The following CRYBG1 variants were observed in gnomAD, a reference collection of about 807,000 sequenced individuals.
CRYBG1 encodes crystallin beta-gamma domain containing 1.
A neutral mutation model predicts 189.2 loss-of-function variants in CRYBG1; 139 were observed. The ratio of observed to expected loss-of-function variants is 0.73; its 90% CI spans 0.64 to 0.85. CRYBG1 has a LOEUF of 0.85. Ranked by LOEUF, CRYBG1 falls within the 40% of genes least tolerant of loss-of-function variation. CRYBG1 has a pLI of 0.00. For missense variants in CRYBG1, 2,611 were observed against 2,675.8 expected (o/e 0.98, Z 0.53); for synonymous variants, 1,023 against 1,017.1 (o/e 1.01, Z -0.11).
chr6:106,400,136 C>CAAA (rs11286627), intron 1 of CRYBG1, among the ~76,000 whole-genome samples: 16 of 76,352 alleles, frequency 2.1e-4, no homozygotes, highest in Middle Eastern at 6.8e-3. Flanking sequence ...GACTCCATCT[C>CAAA]AAAAAAAAAA....
intron 7 of CRYBG1, among the ~76,000 whole-genome samples, chr6:106,529,905 T>C (rs1309162414): frequency 1.3e-5 from 2 of 152,180 alleles, no homozygotes; most frequent in Non-Finnish European, 2.9e-5. Context: ...AAGAAATATA[T>C]TCCAAAACTC....
At chr6:106,486,668 TA>T (rs1457766082) in intron 2 of CRYBG1, among the ~76,000 whole-genome samples, 1 of 152,184 alleles carries the variant, frequency 6.6e-6, no homozygotes, top group Non-Finnish European at 1.5e-5. Context: ...CCTTTATCAT[TA>T]TATAATGATC....
chr6:106,427,381 G>T (rs1771246167), intron 1 of CRYBG1, among the ~76,000 whole-genome samples: 1 of 152,124 alleles, frequency 6.6e-6, no homozygotes, highest in East Asian at 1.9e-4. Flanking sequence ...CCCTATCTCA[G>T]TAAATCTAAA....
At chr6:106,400,228 C>G (rs1342958637) in intron 1 of CRYBG1, among the ~76,000 whole-genome samples, 1 of 152,038 alleles carries the variant, frequency 6.6e-6, no homozygotes, top group African/African-American at 2.4e-5. Flanking sequence ...AATGCTCCCA[C>G]CTTGGCCTTC....
chr6:106,539,269 G>C (rs1002425681), intron 8 of CRYBG1, 134 bp from the exon 9 acceptor site: 1 of 985,198 alleles, frequency 1.0e-6, no homozygotes, highest in Admixed American at 2.5e-5. Context: ...TCTAACACCT[G>C]AGTCCAACCA....
chr6:106,532,920 A>T (rs1238518702), intron 8 of CRYBG1, among the ~76,000 whole-genome samples: 1 of 152,222 alleles, frequency 6.6e-6, no homozygotes, highest in Non-Finnish European at 1.5e-5. Flanking sequence ...GATGTATTAA[A>T]TATATTCAGT....
At chr6:106,459,552 T>C (rs962433220) in intron 2 of CRYBG1, among the ~76,000 whole-genome samples, 9 of 151,610 alleles carry the variant, frequency 5.9e-5, no homozygotes, top group African/African-American at 1.7e-4. Context: ...TGGGTTTTTT[T>C]TTTTTTTTTA....
chr6:106,492,545 G>A (rs1772292008), intron 2 of CRYBG1, among the ~76,000 whole-genome samples: 1 of 151,960 alleles, frequency 6.6e-6, no homozygotes. Context: ...AGGGAAGAAG[G>A]AAGGAAAGGA....
At chr6:106,370,260 T>C (rs1362251844) in intron 1 of CRYBG1, among the ~76,000 whole-genome samples, 1 of 152,152 alleles carries the variant, frequency 6.6e-6, no homozygotes, top group Non-Finnish European at 1.5e-5. Flanking sequence ...GCCCAAGCTG[T>C]GTCAGAAAAA....
chr6:106,404,425 A>T (rs529168602), intron 1 of CRYBG1, among the ~76,000 whole-genome samples: 1 of 152,336 alleles, frequency 6.6e-6, no homozygotes, highest in Non-Finnish European at 1.5e-5. Flanking sequence ...TTAAAATTAA[A>T]ATTGAGGTGT....
At position 106,361,048 on chromosome 6, in the gene CRYBG1, C is replaced by G; in HGVS notation, c.140C>G (p.Pro47Arg). The change falls in exon 1 of 22, where the codon CCG becomes CGG. Residue 47 changes from proline (P) to arginine (R), a missense_variant. Physicochemically the swap from Pro to Arg is moderately radical, Grantham distance 103 (BLOSUM62 -2). Coordinates refer to ENST00000633556, the MANE Select transcript of CRYBG1 (RefSeq NM_001371242.2). ...CCGCCTGACTGTGGGGTGTTCGTTCCGCACCCGCTCCCGGCGCCTGCCGGA... is the reference window on the plus strand; with the variant it reads ...CCGCCTGACTGTGGGGTGTTCGTTCGGCACCCGCTCCCGGCGCCTGCCGGA... The part of the protein sequence containing the change: ...PAPPDCGVFV[P>R]HPLPAPAGEA... 6.5e-7 allele frequency: 1 copy of G among 1,535,006 alleles called. No individual in the cohort carries two copies. Among genetic ancestry groups the G allele is most frequent in the Non-Finnish European group, 8.7e-7 (1 of 1,146,554 alleles).
At chr6:106,521,570 TA>T in intron 4 of CRYBG1, 117 bp downstream of exon 4, 1 of 1,183,196 alleles carries the variant, frequency 8.5e-7, no homozygotes, top group Non-Finnish European at 1.2e-6. Context: ...CTATAGTTTT[TA>T]TTCATTCATC....
At chr6:106,498,917 A>G (rs906368889) in intron 2 of CRYBG1, among the ~76,000 whole-genome samples, 1 of 152,016 alleles carries the variant, frequency 6.6e-6, no homozygotes, top group Admixed American at 6.6e-5. Flanking sequence ...ATTGGCACGA[A>G]CTCAGTGAAA....
intron 2 of CRYBG1, among the ~76,000 whole-genome samples, chr6:106,504,232 A>T (rs1019535339): frequency 6.6e-6 from 1 of 152,226 alleles, no homozygotes; most frequent in Non-Finnish European, 1.5e-5. Context: ...GAGCAGTGAC[A>T]TCGGAGAAGA....
chr6:106,539,341 A>C, intron 8 of CRYBG1, 62 bp from the exon 9 acceptor site: 1 of 1,592,698 alleles, frequency 6.3e-7, no homozygotes, highest in South Asian at 1.1e-5. Flanking sequence ...ACCAGACAGA[A>C]GGAAAAACTG....
rs1775051387 is a variant in CRYBG1 at position 106,571,248 on chromosome 6, A to ACTT, written c.*2683_*2685dup. ...TATATATGACACTAAGAGATTTAGA[A>ACTT]CTTTAAGAGCTGTGGTGACCACATT... On this transcript the variant is annotated 3_prime_UTR_variant, in exon 22 of 22. Transcript: ENST00000633556. 6.6e-6 allele frequency: 1 copy of ACTT among 152,260 alleles called. No individual in the cohort carries two copies. Among genetic ancestry groups the ACTT allele is most frequent in the African/African-American group, 2.4e-5 (1 of 41,468 alleles). 9.4% of individuals were successfully genotyped at this position (152,260 alleles called of 1,614,324 possible). A position where few individuals can be genotyped will look rare whatever the true frequency, so the allele number is the denominator to read the frequency against.
At chr6:106,550,660 AGTTCT>A (rs1052800662) in intron 13 of CRYBG1, among the ~76,000 whole-genome samples, 3 of 152,128 alleles carry the variant, frequency 2.0e-5, no homozygotes, top group African/African-American at 7.2e-5. Context: ...ACAATATTTT[AGTTCT>A]GTTCTGCATT....
rs375416096 is a variant in CRYBG1 at position 106,541,429 on chromosome 6, G to A, written c.4846-157G>A. 101 of 744,018 alleles carry A rather than the reference G, an allele frequency of 1.4e-4. No homozygotes were observed. In the Middle Eastern group the frequency reaches 1.4e-3, roughly 10 times the overall value. The allele number at this position is 744,018 out of a possible 1,614,324, so 46.1% of individuals were successfully genotyped here. ...GCCTGCCTTCCTCGTGTCTTCATCTGTATTGTTGGTAATTTTAGAACTATC... is the reference window on the plus strand; with the variant it reads ...GCCTGCCTTCCTCGTGTCTTCATCTATATTGTTGGTAATTTTAGAACTATC... On this transcript the variant is annotated intron_variant, in intron 9 of 21. Coordinates refer to ENST00000633556, the MANE Select transcript of CRYBG1 (RefSeq NM_001371242.2).
At chr6:106,361,132 C>A in intron 1 of CRYBG1, 51 bp downstream of exon 1, 1 of 1,510,422 alleles carries the variant, frequency 6.6e-7, no homozygotes, top group South Asian at 1.2e-5. Context: ...CCTCCTCCTT[C>A]TCCTGCTGCG....
Sources: allele counts gnomAD v4.1 joint callset (sites outside exome capture counted in the v4.1 genomes callset), GRCh38; gene constraint gnomAD v4.1.1; transcripts MANE v1.5; gene names NCBI Gene and HGNC (gene_info 2026-07-23, HGNC 2026-07-21).